Variants in RAD51B observed in about 807,000 individuals in gnomAD.
RAD51B encodes the protein DNA repair protein RAD51 homolog 2.
Under a neutral mutation model 42.2 loss-of-function variants are expected in RAD51B, and 38 were observed. The ratio of observed to expected loss-of-function variants is 0.90; its 90% CI spans 0.70 to 1.18. RAD51B has a LOEUF of 1.18. RAD51B is among the 50% of genes most tolerant of loss of function. The probability of loss-of-function intolerance (pLI) is 0.00; values close to 1 mark genes in which losing one functional copy is unlikely to be tolerated. For missense variants in RAD51B, 373 were observed against 400.7 expected (o/e 0.93, Z 0.59); for synonymous variants, 154 against 145.2 (o/e 1.06, Z -0.43).
At chr14:68,567,672 C>A (rs1053420025) in intron 10 of RAD51B, among the ~76,000 whole-genome samples, 1 of 152,172 alleles carries the variant, frequency 6.6e-6, no homozygotes, top group South Asian at 2.1e-4. Flanking sequence ...CTGTTTTCTA[C>A]CCCAGTCATC....
rs147411466 is a variant in RAD51B at position 68,385,857 on chromosome 14, T to C, written c.854-25567T>C. Among the ~76,000 whole-genome samples the C allele has an allele frequency of 4.6e-5, 7 of 152,356 alleles. No individual in the cohort carries two copies. In the East Asian group the frequency reaches 1.3e-3, roughly 29 times the overall value. On this transcript the variant is annotated intron_variant, in intron 8 of 10. Transcript: ENST00000471583. ...TACTCTAGGCATTTAACATATGCAA[T>C]CCCATTTATTGGTACCCAGGAAGTA...
intron 10 of RAD51B, among the ~76,000 whole-genome samples, chr14:68,556,026 G>C (rs1466068622): frequency 6.6e-6 from 1 of 152,256 alleles, no homozygotes; most frequent in African/African-American, 2.4e-5. Context: ...GGGAAGAGAA[G>C]AAGGGAATCG....
intron 7 of RAD51B, among the ~76,000 whole-genome samples, chr14:67,995,353 C>A (rs969190151): frequency 1.3e-5 from 2 of 152,076 alleles, no homozygotes; most frequent in African/African-American, 4.8e-5. Context: ...CGCCACTACT[C>A]CAGTCTGGCA....
intron 10 of RAD51B, among the ~76,000 whole-genome samples, chr14:68,536,853 G>A (rs1177176926): frequency 2.0e-5 from 3 of 151,638 alleles, no homozygotes; most frequent in East Asian, 1.9e-4. Flanking sequence ...AGGCCGAGGC[G>A]GGCGGATCCC....
At chr14:68,050,711 T>TC (rs2076379022) in intron 7 of RAD51B, among the ~76,000 whole-genome samples, 1 of 152,074 alleles carries the variant, frequency 6.6e-6, no homozygotes, top group African/African-American at 2.4e-5. Flanking sequence ...CCTCTTCTCT[T>TC]CCCCCTCTCC....
chr14:68,276,496 T>A (rs572856646), intron 7 of RAD51B, among the ~76,000 whole-genome samples: 113 of 152,380 alleles, frequency 7.4e-4, no homozygotes, highest in Non-Finnish European at 1.4e-3. Context: ...ATAACATTTT[T>A]AATTTTAATA....
At chr14:68,105,466 C>T (rs1357255670) in intron 7 of RAD51B, among the ~76,000 whole-genome samples, 2 of 151,814 alleles carry the variant, frequency 1.3e-5, no homozygotes, top group South Asian at 2.1e-4. Flanking sequence ...ATAAGAAACT[C>T]GTTTCTTTTG....
At chr14:68,571,469 C>T (rs913147281) in intron 10 of RAD51B, among the ~76,000 whole-genome samples, 5 of 152,138 alleles carry the variant, frequency 3.3e-5, no homozygotes, top group African/African-American at 1.2e-4. Context: ...GACTCATGGC[C>T]CCCTTTCTCT....
At chr14:68,213,643 G>A (rs754566087) in intron 7 of RAD51B, among the ~76,000 whole-genome samples, 12 of 152,194 alleles carry the variant, frequency 7.9e-5, no homozygotes, top group Non-Finnish European at 1.2e-4. Flanking sequence ...ACAACTAATA[G>A]GAGGGTGCAT....
intron 7 of RAD51B, among the ~76,000 whole-genome samples, chr14:68,080,879 A>C (rs1393176936): frequency 6.6e-6 from 1 of 152,186 alleles, no homozygotes; most frequent in African/African-American, 2.4e-5. Context: ...CATAAGAAAA[A>C]ATAGAGGGCC....
At chr14:68,314,129 C>T (rs1485857511) in intron 8 of RAD51B, among the ~76,000 whole-genome samples, 1 of 152,184 alleles carries the variant, frequency 6.6e-6, no homozygotes, top group Non-Finnish European at 1.5e-5. Context: ...GTCATTCTCT[C>T]TTCAGAGAAG....
chr14:68,674,472 A>G (rs1381879117), intron 11 of RAD51B, among the ~76,000 whole-genome samples: 3 of 151,864 alleles, frequency 2.0e-5, no homozygotes, highest in Non-Finnish European at 4.4e-5. Context: ...GGTATATAGA[A>G]GTCTTTTTAG....
At chr14:67,994,730 A>G (rs749526021) in intron 7 of RAD51B, among the ~76,000 whole-genome samples, 2 of 152,120 alleles carry the variant, frequency 1.3e-5, no homozygotes, top group African/African-American at 2.4e-5. Context: ...CTTTTCATCA[A>G]TCTTCCCATC....
chr14:67,890,442 T>C (rs966859866), intron 7 of RAD51B, among the ~76,000 whole-genome samples: 6 of 151,850 alleles, frequency 4.0e-5, no homozygotes, highest in Non-Finnish European at 7.4e-5. Context: ...TACGGTGGAC[T>C]GTAAACTTCT....
At chr14:68,449,264 T>C (rs1809502970) in intron 9 of RAD51B, among the ~76,000 whole-genome samples, 1 of 152,192 alleles carries the variant, frequency 6.6e-6, no homozygotes, top group African/African-American at 2.4e-5. Context: ...GCAATATAGC[T>C]TCATTTCAGA....
exon 11 of RAD51B, chr14:68,595,779 A>C: frequency 2.4e-6 from 1 of 413,178 alleles, no homozygotes; most frequent in Non-Finnish European, 3.5e-6. Flanking sequence ...TGTTCACACC[A>C]TATTATTAAA....
Position 68,339,090 on chromosome 14 carries a change from A to G in RAD51B, c.853+47110A>G, listed in dbSNP as rs188163898. ...CACCAGCTGAGCTTTCTTGTTCTCC[A>G]CCAAGGTGGTGACCATGTTAACTCC... On this transcript the variant is annotated intron_variant, in intron 8 of 10. Transcript: ENST00000471583. 29 of 685,052 alleles carry G rather than the reference A, an allele frequency of 4.2e-5. No individual in the cohort carries two copies. In the Admixed American group the frequency reaches 5.8e-4, roughly 14 times the overall value. 42.4% of individuals were successfully genotyped at this position (685,052 alleles called of 1,614,324 possible).
At chr14:68,379,801 A>G (rs1304210026) in intron 8 of RAD51B, among the ~76,000 whole-genome samples, 1 of 152,200 alleles carries the variant, frequency 6.6e-6, no homozygotes, top group Admixed American at 6.5e-5. Flanking sequence ...ATTTTAATCA[A>G]GGCAACTGTT....
chr14:68,509,094 G>A (rs1290204608), intron 10 of RAD51B, among the ~76,000 whole-genome samples: 1 of 152,276 alleles, frequency 6.6e-6, no homozygotes, highest in Non-Finnish European at 1.5e-5. Context: ...GGCCCAGCTA[G>A]GGCCAGAGGG....
Sources: allele counts gnomAD v4.1 joint callset (sites outside exome capture counted in the v4.1 genomes callset), GRCh38; gene constraint gnomAD v4.1.1; transcripts MANE v1.5; gene names NCBI Gene and HGNC (gene_info 2026-07-23, HGNC 2026-07-21).